The following PEAK1 variants were observed in gnomAD, a reference collection of about 807,000 sequenced individuals.
PEAK1 encodes pseudopodium enriched atypical kinase 1, also known as inactive tyrosine-protein kinase PEAK1.
PEAK1 carries 54 observed loss-of-function variants against 124.7 expected under a neutral mutation model. The observed-to-expected ratio is 0.43, with a 90% CI of 0.35 to 0.54. The LOEUF (loss-of-function observed/expected upper bound fraction) is 0.54. Among genes scored for constraint, PEAK1 ranks in the 20% least tolerant of loss-of-function variants. The pLI, the probability that PEAK1 is intolerant of heterozygous loss-of-function variation, is 0.01. For missense variants in PEAK1, 2,046 were observed against 2,134.5 expected (o/e 0.96, Z 0.82); for synonymous variants, 719 against 760.0 (o/e 0.95, Z 0.89).
intron 1 of PEAK1, chr15:77,417,774 C>T: frequency 1.0e-6 from 1 of 985,360 alleles, no homozygotes; most frequent in Non-Finnish European, 1.2e-6. Context: ...AAATGCTAAT[C>T]TCATGATGCT....
intron 2 of PEAK1, 127 bp downstream of exon 2, chr15:77,365,036 T>G (rs1012390154): frequency 5.7e-6 from 1 of 175,674 alleles, no homozygotes; most frequent in Non-Finnish European, 1.1e-5. Context: ...ATATGTAGTT[T>G]TATAACTTTC....
chr15:77,266,708 A>T (rs2061753177), intron 5 of PEAK1, among the ~76,000 whole-genome samples: 1 of 152,226 alleles, frequency 6.6e-6, no homozygotes, highest in African/African-American at 2.4e-5. Context: ...AATGGTAGAT[A>T]GAAGGCAGGA....
intron 2 of PEAK1, chr15:77,337,109 G>T: frequency 1.0e-6 from 1 of 984,000 alleles, no homozygotes; most frequent in South Asian, 4.7e-5. Context: ...ATCAAGATGC[G>T]GGGCTAGCCC....
At chr15:77,130,279 A>G (rs1234278827) in intron 9 of PEAK1, among the ~76,000 whole-genome samples, 1 of 152,240 alleles carries the variant, frequency 6.6e-6, no homozygotes, top group Non-Finnish European at 1.5e-5. Context: ...ATAAGGGCCC[A>G]AGATAGATAA....
intron 5 of PEAK1, among the ~76,000 whole-genome samples, chr15:77,268,361 C>G (rs752996135): frequency 2.0e-4 from 31 of 151,936 alleles, no homozygotes; most frequent in Non-Finnish European, 1.5e-4. Flanking sequence ...GTAATCCCAG[C>G]TACGCAGAAG....
chr15:77,420,770 C>T (rs946493945), upstream of PEAK1: 3 of 398,292 alleles, frequency 7.5e-6, no homozygotes, highest in Middle Eastern at 6.3e-4. Flanking sequence ...TTTCTTCTCA[C>T]CGGAGCAATT....
In PEAK1 at chr15:77,178,540, G is replaced by A. The variant is rs111376196; in HGVS notation, c.3137+250C>T. 1.4e-3 allele frequency: 661 copies of A among 480,624 alleles called. 7 individuals are homozygous for A. The highest frequency in any genetic ancestry group is 0.012 in the African/African-American group (602 of 51,608). The allele number at this position is 480,624 out of a possible 1,614,324, so 29.8% of individuals were successfully genotyped here. A position where few individuals can be genotyped will look rare whatever the true frequency, so the allele number is the denominator to read the frequency against. On this transcript the variant is annotated intron_variant, in intron 7 of 9. Coordinates refer to ENST00000682557, the MANE Select transcript of PEAK1 (RefSeq NM_001385026.1). ...TATGGATTTGCTTTTCTATGCTAAA[G>A]TTCCTCTGCATTCACCAGAATGCAG...
chr15:77,112,453 C>A lies in PEAK1; in HGVS notation c.*1703G>T, dbSNP rs2051031061. On this transcript the variant is annotated 3_prime_UTR_variant, in exon 10 of 10. Coordinates refer to ENST00000682557, the MANE Select transcript of PEAK1 (RefSeq NM_001385026.1). ...TGAGGGGCCTCAGGGCTCACTCACT[C>A]ACTAGGCACAGAGAACATGTCTGTC... is the stretch of plus-strand genomic sequence containing the variant. The A allele has an allele frequency of 6.6e-6, 1 of 152,218 alleles. No homozygotes were observed. The highest frequency in any genetic ancestry group is 2.1e-4 in the South Asian group (1 of 4,832). 9.4% of individuals were successfully genotyped at this position (152,218 alleles called of 1,614,324 possible). A position where few individuals can be genotyped will look rare whatever the true frequency, so the allele number is the denominator to read the frequency against.
In PEAK1 at chr15:77,315,140, T is replaced by C. The variant is rs2064792863; in HGVS notation, c.-602-28636A>G. ...TACTAATAGCAAGAATTATTTTGTG[T>C]CTCATTTAGAAACAATTTGACTTTT... On this transcript the variant is annotated intron_variant, in intron 2 of 9. Coordinates refer to ENST00000682557, the MANE Select transcript of PEAK1 (RefSeq NM_001385026.1). Among the ~76,000 whole-genome samples the C allele has an allele frequency of 2.0e-5, 3 of 152,350 alleles. No homozygotes were observed. The South Asian group carries it at 6.2e-4, about 32-fold the overall frequency.
chr15:77,347,890 T>TA (rs1357908115), intron 2 of PEAK1: 18 of 978,360 alleles, frequency 1.8e-5, no homozygotes, highest in South Asian at 4.7e-5. Flanking sequence ...ATATACCTAC[T>TA]AAAAAAAAAG....
rs2065125965 is a variant in PEAK1, at chr15:77,320,375, TG to T, written c.-602-33872del. On this transcript the variant is annotated intron_variant, in intron 2 of 9. Transcript: ENST00000682557. ...CTCATATATTTTATATCCCTAGTGC[TG>T]ATCATGATGCTTACAAACAGTAGAC... is the stretch of plus-strand genomic sequence containing the variant. Among the ~76,000 whole-genome samples the T allele has an allele frequency of 2.0e-5, 3 of 152,210 alleles. No homozygotes were observed. The South Asian group carries it at 6.2e-4, about 32-fold the overall frequency.
chr15:77,253,164 T>C (rs957959528), intron 5 of PEAK1, among the ~76,000 whole-genome samples: 1 of 144,794 alleles, frequency 6.9e-6, no homozygotes, highest in Non-Finnish European at 1.5e-5. Context: ...GTATACTATA[T>C]ACAAGAGGAT....
chr15:77,315,584 T>C (rs115888865), intron 2 of PEAK1, among the ~76,000 whole-genome samples: 2 of 151,852 alleles, frequency 1.3e-5, no homozygotes, highest in East Asian at 3.9e-4. Flanking sequence ...CTGAATTTGT[T>C]ATCCCATATA....
rs188954833 is a variant in PEAK1, at chr15:77,238,378, A to G, written c.-115+13989T>C. Among the ~76,000 whole-genome samples the G allele has an allele frequency of 2.1e-3, 316 of 151,394 alleles. 3 individuals carry two copies. The highest frequency in any genetic ancestry group is 3.7e-3 in the Non-Finnish European group (254 of 67,846). On this transcript the variant is annotated intron_variant, in intron 6 of 9. Coordinates refer to ENST00000682557, the MANE Select transcript of PEAK1 (RefSeq NM_001385026.1). ...TTCTTCCTGTTTGTCCTTTCTTTTG[A>G]ATTGCTAACTTCAAAAAGCTCTAAA...
At chr15:77,413,432 T>C (rs1389513600) in intron 1 of PEAK1, among the ~76,000 whole-genome samples, 1 of 152,198 alleles carries the variant, frequency 6.6e-6, no homozygotes, top group Non-Finnish European at 1.5e-5. Flanking sequence ...TTTGATATCA[T>C]GCACCTCCTG....
chr15:77,331,158 C>G (rs1271622901), intron 2 of PEAK1: 1 of 425,200 alleles, frequency 2.4e-6, no homozygotes, highest in African/African-American at 2.2e-5. Context: ...GAGACGAAGT[C>G]TTGCTCTGCT....
chr15:77,124,899 C>T (rs956970315), intron 9 of PEAK1, among the ~76,000 whole-genome samples: 2 of 152,160 alleles, frequency 1.3e-5, no homozygotes, highest in Non-Finnish European at 2.9e-5. Context: ...TTCTTATTGG[C>T]CCCAAGATAT....
chr15:77,132,208 G>A (rs1034091848), intron 9 of PEAK1, among the ~76,000 whole-genome samples: 19 of 151,830 alleles, frequency 1.3e-4, no homozygotes, highest in Non-Finnish European at 1.6e-4. Flanking sequence ...AGCCTCCTGG[G>A]TGGCTGGGAC....
chr15:77,203,507 A>G (rs549040343), intron 6 of PEAK1, among the ~76,000 whole-genome samples: 71 of 152,326 alleles, frequency 4.7e-4, no homozygotes, highest in Middle Eastern at 3.4e-3. Flanking sequence ...GAGGACTGAC[A>G]TTACCCAACT....
Sources: allele counts gnomAD v4.1 joint callset (sites outside exome capture counted in the v4.1 genomes callset), GRCh38; gene constraint gnomAD v4.1.1; transcripts MANE v1.5; gene names NCBI Gene and HGNC (gene_info 2026-07-23, HGNC 2026-07-21).